FHL5: variants seen among roughly 807,000 people sequenced by gnomAD.
The protein encoded by FHL5 is four and a half LIM domains protein 5.
A neutral mutation model predicts 32.0 loss-of-function variants in FHL5; 33 were observed. That is an observed-to-expected ratio of 1.03 (90% CI 0.78 to 1.38). The LOEUF is 1.38. Among genes scored for constraint, FHL5 ranks in the 40% most tolerant of loss-of-function variants. The pLI, the probability that FHL5 is intolerant of heterozygous loss-of-function variation, is 0.00. For missense variants in FHL5, 336 were observed against 343.9 expected, an observed-to-expected ratio of 0.98 and a Z score of 0.18; for synonymous variants, 114 against 113.6, an observed-to-expected ratio of 1.00 and a Z score of -0.02.
At chr6:96,615,406 G>C (rs1291722576) in intron 5 of FHL5, among the ~76,000 whole-genome samples, 1 of 152,068 alleles carries the variant, frequency 6.6e-6, no homozygotes, top group Non-Finnish European at 1.5e-5. Context: ...TGTGAATCTG[G>C]TTGGGTGGCA....
rs181605053 is a variant in FHL5, at chr6:96,610,098, C to A, written c.505-474C>A. 3.9e-5 allele frequency among the ~76,000 whole-genome samples: 6 copies of A among 152,272 alleles called. No homozygotes were observed. The East Asian group carries it at 1.2e-3, about 29-fold the overall frequency. On this transcript the variant is annotated intron_variant, in intron 4 of 5. Transcript: ENST00000450218. ...AAAAGAAGAATTCTTTTAAGCATCC[C>A]TAAAGTTAGACAGGTAGTTATAAGA... is the stretch of plus-strand genomic sequence containing the variant.
chr6:96,578,639 C>T (rs887768632), intron 1 of FHL5, among the ~76,000 whole-genome samples: 1 of 151,966 alleles, frequency 6.6e-6, no homozygotes, highest in Non-Finnish European at 1.5e-5. Flanking sequence ...GTCAGGAGTT[C>T]GAGACTACCC....
At chr6:96,570,656 T>C (rs1279654962) in intron 1 of FHL5, among the ~76,000 whole-genome samples, 5 of 152,158 alleles carry the variant, frequency 3.3e-5, no homozygotes, top group African/African-American at 1.2e-4. Flanking sequence ...TTCCAATAAG[T>C]CTTATAGGAA....
intron 1 of FHL5, among the ~76,000 whole-genome samples, chr6:96,569,695 C>T (rs1346891947): frequency 6.6e-6 from 1 of 151,698 alleles, no homozygotes; most frequent in Non-Finnish European, 1.5e-5. Flanking sequence ...TCTGCTTTAC[C>T]TGATATAAGT....
At chr6:96,566,823 ATTTGTCTGC>A (rs1490967200) in intron 1 of FHL5, among the ~76,000 whole-genome samples, 4 of 151,518 alleles carry the variant, frequency 2.6e-5, no homozygotes, top group South Asian at 2.1e-4. Flanking sequence ...TATTCAGCTT[ATTTGTCTGC>A]TTTCTAATGT....
intron 1 of FHL5, among the ~76,000 whole-genome samples, chr6:96,588,279 C>T (rs1252289984): frequency 6.6e-6 from 1 of 152,164 alleles, no homozygotes; most frequent in East Asian, 1.9e-4. Context: ...GGCACAATCT[C>T]GGCTCACTGC....
chr6:96,579,778 T>C (rs1030918059), intron 1 of FHL5, among the ~76,000 whole-genome samples: 1 of 152,192 alleles, frequency 6.6e-6, no homozygotes, highest in African/African-American at 2.4e-5. Context: ...TTATGCTTTA[T>C]GACAAACTCT....
At chr6:96,584,016 ATTTG>A (rs1245425378) in intron 1 of FHL5, among the ~76,000 whole-genome samples, 14 of 152,252 alleles carry the variant, frequency 9.2e-5, no homozygotes, top group East Asian at 3.9e-4. Flanking sequence ...AGAAGTTTCT[ATTTG>A]TTCAATTATT....
At chr6:96,597,495 A>C (rs1771060626) in intron 1 of FHL5, among the ~76,000 whole-genome samples, 1 of 152,118 alleles carries the variant, frequency 6.6e-6, no homozygotes, top group Non-Finnish European at 1.5e-5. Flanking sequence ...ACTGTTTCTA[A>C]ATTAATTCTC....
At chr6:96,606,244 CTTTT>C (rs921104480) in intron 4 of FHL5, among the ~76,000 whole-genome samples, 173 bp downstream of exon 4, 8 of 145,816 alleles carry the variant, frequency 5.5e-5, no homozygotes, top group African/African-American at 2.0e-4. Context: ...GCATGACCAT[CTTTT>C]TTTTTTTTAT....
chr6:96,576,101 C>T (rs1321524576), intron 1 of FHL5, among the ~76,000 whole-genome samples: 1 of 152,198 alleles, frequency 6.6e-6, no homozygotes, highest in Admixed American at 6.5e-5. Flanking sequence ...CCTCCACCTA[C>T]TTTGTCTTCG....
intron 1 of FHL5, among the ~76,000 whole-genome samples, chr6:96,569,734 C>T (rs1310656502): frequency 6.7e-6 from 1 of 148,644 alleles, no homozygotes; most frequent in Non-Finnish European, 1.5e-5. Flanking sequence ...TTTTGGTTTC[C>T]ATTTGTATGG....
At chr6:96,565,518 T>C (rs1194759839) in intron 1 of FHL5, among the ~76,000 whole-genome samples, 1 of 152,222 alleles carries the variant, frequency 6.6e-6, no homozygotes, top group Non-Finnish European at 1.5e-5. Flanking sequence ...GGACCTTAAA[T>C]TTATCTCACT....
In FHL5 at chr6:96,584,681, C is replaced by G. The variant is rs560581406; in HGVS notation, c.-12-18921C>G. Reference sequence around the variant, plus strand: ...TTTATCAAGCATCATGGAGGATGTTCTGGAATTCTCCAGGAAAATTGAATT... The same window carrying G: ...TTTATCAAGCATCATGGAGGATGTTGTGGAATTCTCCAGGAAAATTGAATT... On this transcript the variant is annotated intron_variant, in intron 1 of 5. Transcript: ENST00000450218. 3.3e-5 allele frequency among the ~76,000 whole-genome samples: 5 copies of G among 151,972 alleles called. No homozygotes were observed. In the South Asian group the frequency reaches 8.3e-4, roughly 25 times the overall value.
At chr6:96,598,339 C>T (rs890204555) in intron 1 of FHL5, among the ~76,000 whole-genome samples, 7 of 152,100 alleles carry the variant, frequency 4.6e-5, no homozygotes, top group African/African-American at 7.2e-5. Context: ...TGTTTGTAGC[C>T]GAGCCAAATC....
chr6:96,593,298 C>T (rs1215982365), intron 1 of FHL5, among the ~76,000 whole-genome samples: 1 of 152,006 alleles, frequency 6.6e-6, no homozygotes, highest in South Asian at 2.1e-4. Context: ...CTATGGCTTC[C>T]TGCATGTATG....
chr6:96,567,498 G>A (rs1770381968), intron 1 of FHL5, among the ~76,000 whole-genome samples: 1 of 151,744 alleles, frequency 6.6e-6, no homozygotes, highest in African/African-American at 2.4e-5. Context: ...ATAAATTGTA[G>A]GAGTTTTTTT....
chr6:96,606,842 C>T (rs1189408289), intron 4 of FHL5, among the ~76,000 whole-genome samples: 2 of 152,142 alleles, frequency 1.3e-5, no homozygotes, highest in Non-Finnish European at 2.9e-5. Flanking sequence ...CACATTCTTT[C>T]TCAGCAATGC....
intron 1 of FHL5, among the ~76,000 whole-genome samples, chr6:96,603,045 A>G (rs1771188004): frequency 6.6e-6 from 1 of 152,216 alleles, no homozygotes; most frequent in Non-Finnish European, 1.5e-5. Context: ...GAGGGGATGT[A>G]GTACACGAAG....
Sources: gnomAD v4.1 joint callset for allele counts (sites outside exome capture counted in the v4.1 genomes callset) on GRCh38, gnomAD v4.1.1 for gene constraint, MANE v1.5 for transcripts, NCBI Gene and HGNC (gene_info 2026-07-23, HGNC 2026-07-21) for gene names.